HRH1: variants seen among roughly 807,000 people sequenced by gnomAD.
HRH1 encodes histamine H1 receptor.
HRH1 carries 6 observed loss-of-function variants against 10.3 expected under a neutral mutation model. The ratio of observed to expected loss-of-function variants is 0.58; its 90% confidence interval spans 0.32 to 1.15. The LOEUF (loss-of-function observed/expected upper bound fraction) is 1.15, where lower values mean the gene tolerates loss of function less well. HRH1 is among the 50% of genes most tolerant of loss of function. The pLI is 0.05. For synonymous variants in HRH1, 242 were observed against 236.7 expected, an observed-to-expected ratio of 1.02 and a Z score of -0.21; for missense variants, 514 against 615.3, an observed-to-expected ratio of 0.84 and a Z score of 1.74.
intron 1 of HRH1, among the ~76,000 whole-genome samples, chr3:11,198,405 G>A (rs1295371853): frequency 6.6e-6 from 1 of 152,126 alleles, no homozygotes; most frequent in Admixed American, 6.5e-5. Context: ...ATTTAACGAA[G>A]GGACAAGATG....
rs1940006569 is a variant in HRH1, at chr3:11,263,427, C to T, written c.*2926C>T. The T allele has an allele frequency of 1.2e-5, 2 of 167,112 alleles. No individual in the cohort carries two copies. The highest frequency in any genetic ancestry group is 4.8e-5 in the African/African-American group (2 of 41,470). 10.4% of individuals were successfully genotyped at this position (167,112 alleles called of 1,614,324 possible). Reference sequence around the variant, plus strand: ...GTTGGCAAGGCATGGTGGCTCATGCCTGTAATCCCAGCACACTGGGAGGCT... The same window carrying T: ...GTTGGCAAGGCATGGTGGCTCATGCTTGTAATCCCAGCACACTGGGAGGCT... On this transcript the variant is annotated 3_prime_UTR_variant, in exon 2 of 2. Transcript: ENST00000431010.
intron 1 of HRH1, among the ~76,000 whole-genome samples, chr3:11,230,553 C>T (rs1312664944): frequency 1.3e-5 from 2 of 152,194 alleles, no homozygotes; most frequent in Non-Finnish European, 2.9e-5. Flanking sequence ...CAGTGAGGTT[C>T]GTGGGCCAAC....
chr3:11,238,010 TAACTG>T (rs1241681458), intron 1 of HRH1, among the ~76,000 whole-genome samples: 1 of 151,750 alleles, frequency 6.6e-6, no homozygotes. Context: ...AAGTAAGAGA[TAACTG>T]AGCTGGGCTT....
Position 11,249,402 on chromosome 3 carries a change from CAAAAAAAAAA to C in HRH1, c.-35-9588_-35-9579del, listed in dbSNP as rs4037602. 2.0e-3 allele frequency among the ~76,000 whole-genome samples: 141 copies of C among 71,876 alleles called. 3 individuals are homozygous for C. The highest frequency in any genetic ancestry group is 7.9e-3 in the African/African-American group (133 of 16,902). The allele number at this position is 71,876 out of a possible 152,430, so 47.2% of individuals were successfully genotyped here. ...TGGGTGACAAAGTGAGACTCTGTCT[CAAAAAAAAAA>C]AAAAAAAAAAAAGAGGATTTAGGAG... On this transcript the variant is annotated intron_variant, in intron 1 of 1. Coordinates refer to ENST00000431010, the MANE Select transcript of HRH1 (RefSeq NM_001098212.2).
At chr3:11,201,389 G>A (rs908737546) in intron 1 of HRH1, among the ~76,000 whole-genome samples, 4 of 152,184 alleles carry the variant, frequency 2.6e-5, no homozygotes, top group African/African-American at 4.8e-5. Context: ...GAAAGGGCAC[G>A]GGGTATTATG....
chr3:11,201,505 G>A (rs1044139002), intron 1 of HRH1, among the ~76,000 whole-genome samples: 2 of 152,188 alleles, frequency 1.3e-5, no homozygotes, highest in Admixed American at 6.5e-5. Context: ...GAGGAGCTAA[G>A]AGGAAGTCAC....
chr3:11,141,813 T>C (rs572926400), intron 1 of HRH1, among the ~76,000 whole-genome samples: 41 of 152,330 alleles, frequency 2.7e-4, no homozygotes, highest in Admixed American at 9.8e-4. Flanking sequence ...GTCAGGGCCA[T>C]CCTGGACACA....
At position 11,262,665 on chromosome 3, in the gene HRH1, G is replaced by T; in HGVS notation, c.*2164G>T. The T allele has an allele frequency of 6.0e-6, 1 of 167,020 alleles. No homozygotes were observed. The highest frequency in any genetic ancestry group is 1.5e-5 in the Non-Finnish European group (1 of 68,122). The allele number at this position is 167,020 out of a possible 1,614,324, so 10.3% of individuals were successfully genotyped here. A position where few individuals can be genotyped will look rare whatever the true frequency, so the allele number is the denominator to read the frequency against. Reference sequence around the variant, plus strand: ...AAAGAGCACTTCACACAGACAAGTGGCTAAGTGTCCATTATTTACCTTGAA... The same window carrying T: ...AAAGAGCACTTCACACAGACAAGTGTCTAAGTGTCCATTATTTACCTTGAA... On this transcript the variant is annotated 3_prime_UTR_variant, in exon 2 of 2. Transcript: ENST00000431010.
chr3:11,203,217 A>G (rs1323550417), intron 1 of HRH1, among the ~76,000 whole-genome samples: 2 of 152,288 alleles, frequency 1.3e-5, no homozygotes, highest in East Asian at 3.9e-4. Context: ...TGCTTTAAAC[A>G]CTCGTGCAGA....
intron 1 of HRH1, among the ~76,000 whole-genome samples, chr3:11,167,466 G>T (rs1183074443): frequency 1.6e-5 from 2 of 127,166 alleles, no homozygotes; most frequent in Admixed American, 7.7e-5. Context: ...CTCCAGGCCC[G>T]TGACATCTGC....
intron 1 of HRH1, among the ~76,000 whole-genome samples, chr3:11,216,698 C>T (rs375353665): frequency 6.6e-6 from 1 of 151,702 alleles, no homozygotes; most frequent in Non-Finnish European, 1.5e-5. Context: ...GGGTAACATA[C>T]TGAAATCCCG....
chr3:11,138,981 G>A (rs1426179833), intron 1 of HRH1, among the ~76,000 whole-genome samples: 1 of 141,198 alleles, frequency 7.1e-6, no homozygotes, highest in East Asian at 2.1e-4. Context: ...GGCCATAGCT[G>A]CATTGTTCTT....
At chr3:11,173,194 A>G (rs1320738156) in intron 1 of HRH1, among the ~76,000 whole-genome samples, 1 of 152,144 alleles carries the variant, frequency 6.6e-6, no homozygotes, top group Non-Finnish European at 1.5e-5. Context: ...TCTCAGCTGC[A>G]CCATTTACTT....
At chr3:11,162,669 C>T (rs1936949926) in intron 1 of HRH1, among the ~76,000 whole-genome samples, 1 of 151,866 alleles carries the variant, frequency 6.6e-6, no homozygotes, top group Admixed American at 6.6e-5. Flanking sequence ...TTGCTGTCAT[C>T]CAGATGGGAG....
intron 1 of HRH1, among the ~76,000 whole-genome samples, chr3:11,196,029 G>T (rs565623498): frequency 2.0e-5 from 3 of 152,202 alleles, no homozygotes; most frequent in African/African-American, 7.2e-5. Flanking sequence ...AAGGGACTCC[G>T]CACTCTGGCC....
At chr3:11,188,511 C>T (rs347626) in intron 1 of HRH1, among the ~76,000 whole-genome samples, 55,173 of 151,974 alleles carry the variant, frequency 0.36, 10,248 homozygotes, top group East Asian at 0.48. Flanking sequence ...GCTGAGATTG[C>T]GCCACTGCAC....
At chr3:11,211,714 C>T (rs966191123) in intron 1 of HRH1, among the ~76,000 whole-genome samples, 25 of 152,212 alleles carry the variant, frequency 1.6e-4, no homozygotes, top group Admixed American at 6.5e-5. Flanking sequence ...TTTCAAGATT[C>T]TCCACCACTC....
At chr3:11,237,710 C>CT (rs1939223042) in intron 1 of HRH1, among the ~76,000 whole-genome samples, 1 of 109,226 alleles carries the variant, frequency 9.2e-6, no homozygotes, top group African/African-American at 3.6e-5. Flanking sequence ...GAGTCTTGCT[C>CT]TGTCAACCAG....
intron 1 of HRH1, among the ~76,000 whole-genome samples, chr3:11,169,284 A>G (rs1937108447): frequency 6.6e-6 from 1 of 152,032 alleles, no homozygotes; most frequent in Non-Finnish European, 1.5e-5. Flanking sequence ...TGGGTGTTTA[A>G]CAGATAGGAG....
Sources: gnomAD v4.1 joint callset for allele counts (sites outside exome capture counted in the v4.1 genomes callset) on GRCh38, gnomAD v4.1.1 for gene constraint, MANE v1.5 for transcripts, NCBI Gene and HGNC (gene_info 2026-07-23, HGNC 2026-07-21) for gene names.